Variants in SLC25A18 observed in about 807,000 individuals in gnomAD.
SLC25A18 encodes mitochondrial glutamate carrier 2.
Under a neutral mutation model 31.1 loss-of-function variants are expected in SLC25A18, and 24 were observed. The observed-to-expected ratio is 0.77, with a 90% CI of 0.56 to 1.08. SLC25A18 has a LOEUF of 1.08. Ranked by LOEUF, SLC25A18 falls within the 50% of genes least tolerant of loss-of-function variation. The pLI is 0.00. For synonymous variants in SLC25A18, 173 were observed against 161.9 expected (o/e 1.07, Z -0.52); for missense variants, 371 against 418.5 (o/e 0.89, Z 0.99).
intron 2 of SLC25A18, among the ~76,000 whole-genome samples, chr22:17,576,087 C>T (rs533726163): frequency 6.6e-6 from 1 of 152,290 alleles, no homozygotes; most frequent in African/African-American, 2.4e-5. Flanking sequence ...GGCATGGTGG[C>T]TCATGCCTGT....
In SLC25A18 at chr22:17,580,855, CG is replaced by C. The variant is rs2057352537; in HGVS notation, c.21-179del. The C allele has an allele frequency of 6.0e-6, 8 of 1,332,694 alleles. No individual in the cohort carries two copies. The East Asian group carries it at 2.4e-4, about 40-fold the overall frequency. The allele number at this position is 1,332,694 out of a possible 1,614,324, so 82.6% of individuals were successfully genotyped here. ...CCGGGTTGCAGCAAGATGCCTCACC[CG>C]GGTGAGTGCGGCTGTCCTGTCTGGA... is the stretch of plus-strand genomic sequence containing the variant. On this transcript the variant is annotated intron_variant, in intron 3 of 10. Coordinates refer to ENST00000327451, the MANE Select transcript of SLC25A18 (RefSeq NM_031481.3).
intron 7 of SLC25A18, among the ~76,000 whole-genome samples, chr22:17,585,650 A>ATTTTTTT (rs143835144): frequency 7.3e-6 from 1 of 137,224 alleles, no homozygotes; most frequent in African/African-American, 2.8e-5. Context: ...TATTATTATT[A>ATTTTTTT]TTTTTTTTTT....
At chr22:17,586,063 G>A (rs952559329) in intron 7 of SLC25A18, among the ~76,000 whole-genome samples, 4 of 152,190 alleles carry the variant, frequency 2.6e-5, no homozygotes, top group African/African-American at 7.2e-5. Context: ...AAATAGGGAA[G>A]AGTGGGAAGG....
chr22:17,575,231 G>C (rs904255326), intron 2 of SLC25A18, among the ~76,000 whole-genome samples: 5 of 152,154 alleles, frequency 3.3e-5, no homozygotes, highest in African/African-American at 4.8e-5. Context: ...AGCACGCACT[G>C]TCTAAGCCGC....
rs767198892 is a variant in SLC25A18 at position 17,588,007 on chromosome 22, T to C, written c.658T>C (p.Ser220Pro). 1.9e-5 allele frequency: 31 copies of C among 1,614,082 alleles called. No individual in the cohort carries two copies. The Admixed American group carries it at 3.2e-4, about 16-fold the overall frequency. ...LGFNELAGKA[S>P]FAHSFVSGCV... is the part of the protein sequence containing the mutation. ...GTTCAACGAGCTCGCCGGTAAGGCG[T>C]CCTTTGCACATTCCTTCGTGTCAGG... is the stretch of plus-strand genomic sequence containing the variant. The change falls in exon 9 of 11, where the codon TCC becomes CCC. Residue 220 changes from serine to proline, a missense_variant. Coordinates refer to ENST00000327451, the MANE Select transcript of SLC25A18 (RefSeq NM_031481.3).
chr22:17,564,976 G>A (rs1301426881), intron 1 of SLC25A18, among the ~76,000 whole-genome samples: 1 of 152,166 alleles, frequency 6.6e-6, no homozygotes, highest in African/African-American at 2.4e-5. Flanking sequence ...AGGAGGGTGA[G>A]GTGGGTGGAT....
intron 3 of SLC25A18, 108 bp downstream of exon 3, chr22:17,580,072 G>A (rs2057332924): frequency 8.4e-6 from 9 of 1,067,212 alleles, no homozygotes; most frequent in Non-Finnish European, 1.3e-5. Context: ...TCCTAGGGAA[G>A]AGCAAGACCC....
At chr22:17,566,652 T>C (rs1213181818) in intron 1 of SLC25A18, among the ~76,000 whole-genome samples, 1 of 152,120 alleles carries the variant, frequency 6.6e-6, no homozygotes, top group Non-Finnish European at 1.5e-5. Flanking sequence ...CCTCAGGTGA[T>C]CCGCCCACCT....
At chr22:17,579,069 T>TTGTC (rs2057304457) in intron 2 of SLC25A18, among the ~76,000 whole-genome samples, 2 of 54,646 alleles carry the variant, frequency 3.7e-5, no homozygotes, top group South Asian at 8.4e-4. Flanking sequence ...GGTTTTTTGT[T>TTGTC]TGTTTGTTTG....
chr22:17,572,374 A>AC (rs1339850689), intron 2 of SLC25A18, among the ~76,000 whole-genome samples: 1 of 149,782 alleles, frequency 6.7e-6, no homozygotes, highest in Non-Finnish European at 1.5e-5. Context: ...AATCTCAGCT[A>AC]CTCAGGAGGC....
chr22:17,566,335 G>A (rs1345329063), intron 1 of SLC25A18, among the ~76,000 whole-genome samples: 4 of 152,002 alleles, frequency 2.6e-5, no homozygotes, highest in Admixed American at 6.6e-5. Flanking sequence ...CCTCTGGCGT[G>A]TTTAATCACC....
chr22:17,587,841 G>A, intron 8 of SLC25A18, 84 bp from the exon 9 acceptor site: 2 of 1,571,714 alleles, frequency 1.3e-6, no homozygotes, highest in Non-Finnish European at 1.7e-6. Flanking sequence ...AAGCCCCACA[G>A]CTCACAGCAA....
Position 17,581,401 on chromosome 22 carries a change from G to T in SLC25A18, c.187G>T (p.Gly63Cys), listed in dbSNP as rs758908304. ...MKTARAEGFF[G>C]MYRGAAVNLT... is the part of the protein sequence containing the mutation. ...GACGGCTCGGGCGGAGGGCTTCTTC[G>T]GCATGTACCGAGGTGGGCTTCTCAG... Residue 63 changes from glycine to cysteine, a missense_variant, in exon 5 of 11, where the codon GGC (glycine) becomes TGC (cysteine). Coordinates refer to ENST00000327451, the MANE Select transcript of SLC25A18 (RefSeq NM_031481.3). 1.2e-5 allele frequency: 19 copies of T among 1,613,930 alleles called. No homozygotes were observed. Among genetic ancestry groups the T allele is most frequent in the African/African-American group, 5.3e-5 (4 of 74,900 alleles).
chr22:17,589,711 T>C, intron 10 of SLC25A18, 46 bp downstream of exon 10: 1 of 1,575,798 alleles, frequency 6.3e-7, no homozygotes. Context: ...CAGGTTCCTC[T>C]GCGTGGGTGT....
At position 17,590,811 on chromosome 22, in the gene SLC25A18, C is replaced by G. The variant is rs1011997811; in HGVS notation, c.*575C>G. The G allele has an allele frequency of 1.3e-5, 2 of 152,870 alleles. No homozygotes were observed. The highest frequency in any genetic ancestry group is 2.9e-5 in the Non-Finnish European group (2 of 68,548). 9.5% of individuals were successfully genotyped at this position (152,870 alleles called of 1,614,324 possible). A position where few individuals can be genotyped will look rare whatever the true frequency, so the allele number is the denominator to read the frequency against. On this transcript the variant is annotated 3_prime_UTR_variant, in exon 11 of 11. Transcript: ENST00000327451. Reference sequence around the variant, plus strand: ...GCTCTGACTGGGCAGCTCAGCCCCTCCCCCAGAGCCCAGGGTCTTGCACAC... The same window carrying G: ...GCTCTGACTGGGCAGCTCAGCCCCTGCCCCAGAGCCCAGGGTCTTGCACAC...
rs2057044400 is a variant in SLC25A18 at position 17,569,994 on chromosome 22, T to A, written c.-201+8T>A. 6.1e-6 allele frequency: 6 copies of A among 985,290 alleles called. No individual in the cohort carries two copies. The South Asian group carries it at 2.3e-4, about 39-fold the overall frequency. The allele number at this position is 985,290 out of a possible 1,614,324, so 61.0% of individuals were successfully genotyped here. A position where few individuals can be genotyped will look rare whatever the true frequency, so the allele number is the denominator to read the frequency against. On this transcript the variant is annotated splice_region_variant and intron_variant, in intron 2 of 10. Transcript: ENST00000327451. ...GGTTCTTACCGAAAGCAGGTAAGTG[T>A]CTTGTCTGTCTGCATCAAGCTCAGA...
intron 1 of SLC25A18, 94 bp from the exon 2 acceptor site, chr22:17,569,830 G>C: frequency 3.0e-6 from 3 of 985,406 alleles, no homozygotes; most frequent in Non-Finnish European, 3.6e-6. Context: ...GAACCCTGCA[G>C]TGGTGATGAG....
Position 17,579,877 on chromosome 22 carries a change from A to G in SLC25A18, c.-68A>G, listed in dbSNP as rs535264123. On this transcript the variant is annotated 5_prime_UTR_variant, in exon 3 of 11. Transcript: ENST00000327451. The stretch of plus-strand genomic sequence containing the variant: ...AGGAAGCTTCCACTTCTTCCCCCAG[A>G]CAGCCCCAACAGCGGCTACCCCAAG... 874 of 1,571,658 alleles carry G rather than the reference A, an allele frequency of 5.6e-4. No homozygotes were observed. Among genetic ancestry groups the G allele is most frequent in the Non-Finnish European group, 7.2e-4 (835 of 1,157,842 alleles).
chr22:17,581,893 G>A lies in SLC25A18; in HGVS notation c.199+480G>A, dbSNP rs115783965. 1,361 of 164,422 alleles carry A rather than the reference G, an allele frequency of 8.3e-3. 11 individuals are homozygous for A. Among genetic ancestry groups the A allele is most frequent in the African/African-American group, 0.03 (1,259 of 41,816 alleles). 10.2% of individuals were successfully genotyped at this position (164,422 alleles called of 1,614,324 possible). A position where few individuals can be genotyped will look rare whatever the true frequency, so the allele number is the denominator to read the frequency against. On this transcript the variant is annotated intron_variant, in intron 5 of 10. Transcript: ENST00000327451. The stretch of plus-strand genomic sequence containing the variant: ...AGAAGCAAAACACAAACCCTAGACA[G>A]CCCCGAGCTAGCAGCCAATGGGACT...
Sources: gnomAD v4.1 joint callset for allele counts (sites outside exome capture counted in the v4.1 genomes callset) on GRCh38, gnomAD v4.1.1 for gene constraint, MANE v1.5 for transcripts, NCBI Gene and HGNC (gene_info 2026-07-23, HGNC 2026-07-21) for gene names.